Variants in LUZP1 observed in about 807,000 individuals in gnomAD.
LUZP1 encodes leucine zipper protein 1.
Under a neutral mutation model 71.3 loss-of-function variants are expected in LUZP1, and 25 were observed. The observed-to-expected ratio is 0.35, with a 90% confidence interval of 0.26 to 0.49. LUZP1 has a LOEUF of 0.49. Among genes scored for constraint, LUZP1 ranks in the 20% least tolerant of loss-of-function variants. LUZP1 has a pLI of 0.99. For missense variants in LUZP1, 1,142 were observed against 1,300.8 expected (o/e 0.88, Z 1.88); for synonymous variants, 481 against 506.4 (o/e 0.95, Z 0.67).
chr1:23,169,041 G>A (rs964513391), intron 1 of LUZP1, 185 bp from the exon 1 acceptor site: 1 of 152,210 alleles, frequency 6.6e-6, no homozygotes, highest in Non-Finnish European at 1.5e-5. Flanking sequence ...AATCGAAATG[G>A]AAGACAAGAC....
intron 3 of LUZP1, among the ~76,000 whole-genome samples, chr1:23,106,331 A>G (rs1276114552): frequency 6.6e-6 from 1 of 152,192 alleles, no homozygotes; most frequent in Admixed American, 6.5e-5. Flanking sequence ...AAATGGGCAC[A>G]GTGGCTCATG....
intron 2 of LUZP1, among the ~76,000 whole-genome samples, chr1:23,133,087 GAC>G (rs1292787332): frequency 6.6e-6 from 1 of 152,164 alleles, no homozygotes; most frequent in African/African-American, 2.4e-5. Context: ...AGAAAAGAAA[GAC>G]ACTCTATTTT....
At chr1:23,122,056 CTT>C (rs1418170462) in intron 2 of LUZP1, among the ~76,000 whole-genome samples, 2 of 151,908 alleles carry the variant, frequency 1.3e-5, no homozygotes, top group Non-Finnish European at 2.9e-5. Context: ...TTTAAAAAGA[CTT>C]TAAGTAATTG....
At chr1:23,153,636 T>C (rs1237184081) in intron 2 of LUZP1, among the ~76,000 whole-genome samples, 1 of 152,248 alleles carries the variant, frequency 6.6e-6, no homozygotes, top group Non-Finnish European at 1.5e-5. Flanking sequence ...CCCTTTAATC[T>C]GAGATGATGC....
At chr1:23,156,112 A>C (rs1025658015) in intron 2 of LUZP1, among the ~76,000 whole-genome samples, 5 of 152,268 alleles carry the variant, frequency 3.3e-5, no homozygotes, top group Non-Finnish European at 7.4e-5. Flanking sequence ...CAGGCACGGT[A>C]GCTCACACCT....
intron 2 of LUZP1, among the ~76,000 whole-genome samples, chr1:23,112,752 A>C (rs1044739924): frequency 6.6e-6 from 1 of 152,210 alleles, no homozygotes; most frequent in African/African-American, 2.4e-5. Context: ...CCAATCAAAA[A>C]ACAAACCCTA....
chr1:23,134,242 A>G (rs1644236425), intron 2 of LUZP1, among the ~76,000 whole-genome samples: 1 of 152,200 alleles, frequency 6.6e-6, no homozygotes, highest in Non-Finnish European at 1.5e-5. Flanking sequence ...ACACTCTGGT[A>G]GCCCAAGTCA....
At chr1:23,133,954 C>T (rs1012607921) in intron 2 of LUZP1, among the ~76,000 whole-genome samples, 1 of 152,014 alleles carries the variant, frequency 6.6e-6, no homozygotes, top group South Asian at 2.1e-4. Flanking sequence ...TTATAACTGG[C>T]CTGGACTCTT....
chr1:23,108,901 A>G (rs1490568876), intron 3 of LUZP1, 121 bp downstream of exon 2: 1 of 152,208 alleles, frequency 6.6e-6, no homozygotes, highest in Non-Finnish European at 1.5e-5. Flanking sequence ...TATTTGGTTC[A>G]TAATAGGCCA....
Position 23,114,503 on chromosome 1 carries a change from C to A in LUZP1, c.-225-5376G>T, listed in dbSNP as rs189619970. On this transcript the variant is annotated intron_variant, in intron 2 of 4. Coordinates refer to ENST00000302291, the Ensembl canonical transcript of LUZP1. ...CCAACCTAGGTGGTTTTAAAAGCAG[C>A]TTCCCTGAATGCCATCACTGACTGA... Among the ~76,000 whole-genome samples, 857 of 152,300 alleles carry A rather than the reference C, an allele frequency of 5.6e-3. 13 individuals are homozygous for A. Among genetic ancestry groups the A allele is most frequent in the Non-Finnish European group, 7.5e-3 (511 of 68,036 alleles).
chr1:23,098,686 A>G (rs1229527337), intron 3 of LUZP1, among the ~76,000 whole-genome samples: 2 of 152,166 alleles, frequency 1.3e-5, no homozygotes, highest in East Asian at 1.9e-4. Context: ...GTCCAATAAG[A>G]TCACATTTAA....
intron 2 of LUZP1, chr1:23,140,327 T>C (rs994352591): frequency 6.6e-6 from 1 of 152,036 alleles, no homozygotes; most frequent in African/African-American, 2.4e-5. Flanking sequence ...AATACACATA[T>C]TACACTTACA....
intron 2 of LUZP1, among the ~76,000 whole-genome samples, chr1:23,129,412 T>C (rs550809099): frequency 6.6e-6 from 1 of 152,180 alleles, no homozygotes; most frequent in South Asian, 2.1e-4. Context: ...AGAAACACTG[T>C]CTCTACTAAA....
intron 2 of LUZP1, among the ~76,000 whole-genome samples, chr1:23,119,886 A>T (rs1644116626): frequency 6.6e-6 from 1 of 152,166 alleles, no homozygotes; most frequent in South Asian, 2.1e-4. Flanking sequence ...ATAACATTAA[A>T]TAAAAGTATT....
intron 1 of LUZP1, among the ~76,000 whole-genome samples, chr1:23,171,088 C>CAAA (rs66613866): frequency 7.1e-6 from 1 of 141,308 alleles, no homozygotes; most frequent in Admixed American, 7.3e-5. Context: ...GACCCTGTCT[C>CAAA]AAAAAAAAAA....
chr1:23,103,124 A>G (rs1406655530), intron 3 of LUZP1, among the ~76,000 whole-genome samples: 1 of 148,382 alleles, frequency 6.7e-6, no homozygotes, highest in African/African-American at 2.5e-5. Flanking sequence ...TTTTTTGTAG[A>G]GAAGGGGTCT....
intron 2 of LUZP1, among the ~76,000 whole-genome samples, chr1:23,149,058 G>A (rs1644363375): frequency 8.2e-6 from 1 of 121,568 alleles, no homozygotes; most frequent in Admixed American, 1.1e-4. Context: ...TCCAGCCCAG[G>A]TGACAGAGTG....
chr1:23,139,635 T>C (rs1244950343), intron 2 of LUZP1, among the ~76,000 whole-genome samples: 2 of 152,182 alleles, frequency 1.3e-5, no homozygotes, highest in African/African-American at 2.4e-5. Flanking sequence ...AGAGTACAAG[T>C]ATATAATACA....
intron 3 of LUZP1, among the ~76,000 whole-genome samples, chr1:23,105,178 G>A (rs1261258280): frequency 6.6e-6 from 1 of 152,172 alleles, no homozygotes; most frequent in Non-Finnish European, 1.5e-5. Flanking sequence ...CAAGAGATGG[G>A]ATAAGGGCCT....
Sources: gnomAD v4.1 joint callset for allele counts (sites outside exome capture counted in the v4.1 genomes callset) on GRCh38, gnomAD v4.1.1 for gene constraint, MANE v1.5 for transcripts, NCBI Gene and HGNC (gene_info 2026-07-23, HGNC 2026-07-21) for gene names.